The following ACSM2A variants were observed in gnomAD, a reference collection of about 807,000 sequenced individuals.
ACSM2A encodes acyl-CoA synthetase medium chain family member 2A, also known as acyl-coenzyme A synthetase ACSM2A, mitochondrial.
A neutral mutation model predicts 76.6 loss-of-function variants in ACSM2A; 72 were observed. The observed-to-expected ratio is 0.94, with a 90% confidence interval of 0.78 to 1.14. ACSM2A has a LOEUF of 1.14. ACSM2A is among the 50% of genes most tolerant of loss of function. ACSM2A has a pLI of 0.00. For synonymous variants in ACSM2A, 249 were observed against 255.9 expected (o/e 0.97, Z 0.26); for missense variants, 684 against 708.5 (o/e 0.97, Z 0.39).
chr16:20,481,677 G>A (rs1320649855), intron 12 of ACSM2A: 1 of 146,022 alleles, frequency 6.8e-6, no homozygotes, highest in Non-Finnish European at 1.5e-5. Flanking sequence ...GGTGACTATA[G>A]TTAACAACCA....
chr16:20,464,872 C>T (rs560346457), intron 2 of ACSM2A, among the ~76,000 whole-genome samples: 4 of 151,946 alleles, frequency 2.6e-5, no homozygotes, highest in Non-Finnish European at 5.9e-5. Flanking sequence ...GTGATTGTTG[C>T]ATAACAATGA....
chr16:20,469,186 C>T (rs935346946), intron 3 of ACSM2A, among the ~76,000 whole-genome samples: 3 of 150,412 alleles, frequency 2.0e-5, no homozygotes, highest in Non-Finnish European at 4.4e-5. Flanking sequence ...GTTTTGAATA[C>T]AGCAAACTCC....
Position 20,471,684 on chromosome 16 carries a change from C to A in ACSM2A, c.889C>A (p.Leu297Ile). ...GCCAAAGTTTGACCCACTGGTTATT[C>A]TAAAGGTAAGAGAGGATCCAGTTTG... Reference protein sequence around the residue: ...LLPKFDPLVILKTLSSYPIKS... With the variant: ...LLPKFDPLVIIKTLSSYPIKS... The change falls in exon 6 of 14, where the codon CTA (leucine) becomes ATA (isoleucine). Residue 297 changes from leucine to isoleucine, a missense_variant. Leu to Ile is a conservative substitution (Grantham distance 5, BLOSUM62 2). Coordinates refer to ENST00000573854, the MANE Select transcript of ACSM2A (RefSeq NM_001308172.2). The A allele has an allele frequency of 6.2e-7, 1 of 1,612,374 alleles. No homozygotes were observed. The highest frequency in any genetic ancestry group is 8.5e-7 in the Non-Finnish European group (1 of 1,178,994).
chr16:20,476,271 T>C, intron 8 of ACSM2A: 3 of 987,646 alleles, frequency 3.0e-6, no homozygotes, highest in Non-Finnish European at 3.6e-6. Context: ...TGAGGTCTCA[T>C]GTGCACAATG....
intron 6 of ACSM2A, among the ~76,000 whole-genome samples, chr16:20,472,109 C>T (rs2013450842): frequency 6.6e-6 from 1 of 152,138 alleles, no homozygotes; most frequent in Non-Finnish European, 1.5e-5. Flanking sequence ...CAGCATAACA[C>T]ACAAACTGAA....
intron 6 of ACSM2A, among the ~76,000 whole-genome samples, chr16:20,474,923 A>G (rs1181651393): frequency 6.6e-6 from 1 of 152,214 alleles, no homozygotes; most frequent in African/African-American, 2.4e-5. Flanking sequence ...ATATTCCAAA[A>G]ATATTTTCAG....
In ACSM2A at chr16:20,480,849, G is replaced by T. The variant is rs149737523; in HGVS notation, c.1437G>T (p.Glu479Asp). ...ACCGGATTGGACCCTCGGAGGTAGA[G>T]AATGCACTGATGGAGCACCCTGCTG... ...SGYRIGPSEV[E>D]NALMEHPAVV... The change falls in exon 12 of 14, where the codon GAG becomes GAT. Residue 479 changes from glutamate (E) to aspartate (D), a missense_variant. By Grantham distance (45) the Glu-to-Asp change is conservative. This residue lies in a region of ACSM2A where 159 missense variants were observed against 132.5 expected (regional missense o/e 1.20). Coordinates refer to ENST00000573854, the MANE Select transcript of ACSM2A (RefSeq NM_001308172.2). The T allele has an allele frequency of 1.2e-6, 2 of 1,613,872 alleles. No individual in the cohort carries two copies. The highest frequency in any genetic ancestry group is 4.5e-5 in the East Asian group (2 of 44,896).
intron 3 of ACSM2A, among the ~76,000 whole-genome samples, chr16:20,466,469 G>C (rs796824376): frequency 2.0e-4 from 31 of 152,224 alleles, no homozygotes; most frequent in African/African-American, 7.0e-4. Flanking sequence ...AAAACAGTAG[G>C]AGTTGTGGTA....
chr16:20,475,045 TGA>T (rs200603205), intron 6 of ACSM2A, among the ~76,000 whole-genome samples: 2,173 of 152,144 alleles, frequency 0.014, 21 homozygotes, highest in Middle Eastern at 0.061. Flanking sequence ...TGCTGGGGGG[TGA>T]TCTACTCCTA....
Position 20,469,506 on chromosome 16 carries a change from C to T in ACSM2A, c.389-6C>T, listed in dbSNP as rs528098002. On this transcript the variant is annotated splice_region_variant and splice_polypyrimidine_tract_variant and intron_variant, in intron 3 of 13. Transcript: ENST00000573854. Reference sequence around the variant, plus strand: ...TTCCAATTCTCTAAATTGTTGGCTTCTTTAGGTCTCATCTTTATGCCTGGA... The same window carrying T: ...TTCCAATTCTCTAAATTGTTGGCTTTTTTAGGTCTCATCTTTATGCCTGGA... 1 of 1,611,462 alleles carries T rather than the reference C, an allele frequency of 6.2e-7. No homozygotes were observed.
rs139219051 is a variant in ACSM2A, at chr16:20,476,700, G to T, written c.1099-669G>T. The stretch of plus-strand genomic sequence containing the variant: ...TGCCCTTTCCAGCACAGTGGGTGGC[G>T]GGAAAAGATGGGTCATTGTGATATC... On this transcript the variant is annotated intron_variant, in intron 8 of 13. Transcript: ENST00000573854. The T allele has an allele frequency of 2.3e-4, 229 of 995,432 alleles. No homozygotes were observed. The African/African-American group carries it at 3.8e-3, about 16-fold the overall frequency. The allele number at this position is 995,432 out of a possible 1,614,324, so 61.7% of individuals were successfully genotyped here.
At chr16:20,476,025 T>A in intron 8 of ACSM2A, 2 of 1,052,856 alleles carry the variant, frequency 1.9e-6, no homozygotes, top group South Asian at 4.5e-5. Context: ...ATATCTAGCA[T>A]GGCAGGTGGT....
chr16:20,479,909 A>G (rs2013987044), intron 10 of ACSM2A, among the ~76,000 whole-genome samples: 2 of 152,218 alleles, frequency 1.3e-5, no homozygotes, highest in Non-Finnish European at 2.9e-5. Context: ...GTCTCTGGTC[A>G]TCAGTATCCC....
chr16:20,461,954 A>G (rs7194852), intron 2 of ACSM2A, among the ~76,000 whole-genome samples: 61,104 of 151,888 alleles, frequency 0.4, 14,296 homozygotes, highest in East Asian at 0.79. Context: ...CTGATTGCTT[A>G]GGAATGAAAT....
At chr16:20,480,761 C>A (rs138620658) in intron 11 of ACSM2A, 61 bp downstream of exon 11, 28 of 1,613,014 alleles carry the variant, frequency 1.7e-5, no homozygotes, top group Admixed American at 5.0e-5. Flanking sequence ...TGGTTCCAGA[C>A]TTCTGGAATG....
Position 20,486,562 on chromosome 16 carries a change from G to T in ACSM2A, c.1630-12G>T, listed in dbSNP as rs368984296. The T allele has an allele frequency of 6.2e-7, 1 of 1,613,958 alleles. No individual in the cohort carries two copies. The highest frequency in any genetic ancestry group is 2.2e-5 in the East Asian group (1 of 44,890). The stretch of plus-strand genomic sequence containing the variant: ...CAGATCACCCACCCTGGACTGATTT[G>T]TTTTTCAACAGATAGAGTTTGTCTT... On this transcript the variant is annotated splice_polypyrimidine_tract_variant and intron_variant, in intron 13 of 13. Coordinates refer to ENST00000573854, the MANE Select transcript of ACSM2A (RefSeq NM_001308172.2).
chr16:20,483,569 C>CATA (rs2014223606), intron 13 of ACSM2A, among the ~76,000 whole-genome samples: 1 of 32,208 alleles, frequency 3.1e-5, no homozygotes, highest in Non-Finnish European at 6.0e-5. Context: ...GACTCTGTCT[C>CATA]AAAAAAAAAA....
Position 20,483,086 on chromosome 16 carries a change from C to T in ACSM2A, c.1538C>T (p.Ser513Leu), listed in dbSNP as rs1133607. 0.11 allele frequency: 177,196 copies of T among 1,613,714 alleles called. 10,859 individuals are homozygous for T. Among genetic ancestry groups the T allele is most frequent in the East Asian group, 0.22 (9,874 of 44,838 alleles). The change falls in exon 13 of 14, where the codon TCG (serine) becomes TTG (leucine). Residue 513 changes from serine (S) to leucine (L), a missense_variant. By Grantham distance (145) the Ser-to-Leu change is moderately radical (BLOSUM62 -2). Coordinates refer to ENST00000573854, the MANE Select transcript of ACSM2A (RefSeq NM_001308172.2). ...EVVKAFVVLA[S>L]QFLSHDPEQL... is the part of the protein sequence containing the mutation. ...GTGAAGGCATTTGTGGTCCTGGCCT[C>T]GCAGTTCCTGTCCCATGACCCAGAA...
intron 4 of ACSM2A, 146 bp downstream of exon 4, chr16:20,469,865 CA>C: frequency 1.7e-6 from 1 of 596,034 alleles, no homozygotes; most frequent in African/African-American, 2.1e-5. Context: ...AAAGCTAACA[CA>C]AGGGTATTTT....
Sources: allele counts gnomAD v4.1 joint callset (sites outside exome capture counted in the v4.1 genomes callset), GRCh38; gene constraint gnomAD v4.1.1; regional missense constraint gnomAD v4.1.1; transcripts MANE v1.5; gene names NCBI Gene and HGNC (gene_info 2026-07-23, HGNC 2026-07-21).